The following EPB41L3 variants were observed in gnomAD, a reference collection of about 807,000 sequenced individuals.
EPB41L3 encodes band 4.1-like protein 3.
A neutral mutation model predicts 127.1 loss-of-function variants in EPB41L3; 57 were observed. That is an observed-to-expected ratio of 0.45 (90% CI 0.36 to 0.56). The LOEUF (loss-of-function observed/expected upper bound fraction) is 0.56, where lower values mean the gene tolerates loss of function less well. EPB41L3 is among the 20% of genes least tolerant of loss of function. EPB41L3 has a pLI of 0.00. For missense variants in EPB41L3, 1,273 were observed against 1,372.2 expected, an observed-to-expected ratio of 0.93 and a Z score of 1.14; for synonymous variants, 572 against 549.5, an observed-to-expected ratio of 1.04 and a Z score of -0.57.
chr18:5,407,526 G>A (rs2075599601), intron 15 of EPB41L3, among the ~76,000 whole-genome samples, 175 bp downstream of exon 15: 1 of 152,152 alleles, frequency 6.6e-6, no homozygotes, highest in African/African-American at 2.4e-5. Flanking sequence ...AGAAGAAAGG[G>A]AAAAGTAAAG....
chr18:5,421,669 T>A (rs1271661590), intron 11 of EPB41L3, among the ~76,000 whole-genome samples: 1 of 152,132 alleles, frequency 6.6e-6, no homozygotes, highest in African/African-American at 2.4e-5. Flanking sequence ...TATTTTGAAG[T>A]GACTTGGATG....
chr18:5,579,527 A>C (rs541206907), intron 3 of EPB41L3, among the ~76,000 whole-genome samples: 3 of 152,312 alleles, frequency 2.0e-5, no homozygotes, highest in South Asian at 2.1e-4. Context: ...AATCAACATA[A>C]ATCAGGCCCA....
chr18:5,477,302 G>A (rs1440665951), intron 3 of EPB41L3, among the ~76,000 whole-genome samples: 1 of 152,196 alleles, frequency 6.6e-6, no homozygotes, highest in Non-Finnish European at 1.5e-5. Flanking sequence ...TGCACTGCCT[G>A]TGCTGCCTGG....
rs1420278817 is a variant in EPB41L3 at position 5,397,386 on chromosome 18, T to C, written c.2513A>G (p.Glu838Gly). The C allele has an allele frequency of 6.2e-7, 1 of 1,613,746 alleles. No individual in the cohort carries two copies. Among genetic ancestry groups the C allele is most frequent in the Non-Finnish European group, 8.5e-7 (1 of 1,179,958 alleles). ...TKTESSGIET[E>G]PTVHHLPLST... ...AAGCGGCAGGTGGTGCACGGTGGGT[T>C]CCGTCTCTATTCCACTGGACTCCGT... is the stretch of plus-strand genomic sequence containing the variant. Residue 838 changes from glutamate to glycine, a missense_variant, in exon 18 of 23, where the codon GAA becomes GGA. By Grantham distance (98) the Glu-to-Gly change is moderately conservative. Coordinates refer to ENST00000341928, the MANE Select transcript of EPB41L3 (RefSeq NM_012307.5). This position sits in a 1 kb window ranked among gnomAD's most constrained non-coding sequence, Gnocchi z 4.1.
At chr18:5,553,110 AG>A in intron 3 of EPB41L3, among the ~76,000 whole-genome samples, 1 of 152,340 alleles carries the variant, frequency 6.6e-6, no homozygotes, top group Middle Eastern at 3.4e-3. Context: ...GAACAGAAAA[AG>A]TCTTCCAAAA....
chr18:5,555,863 T>A (rs1311206293), intron 3 of EPB41L3, among the ~76,000 whole-genome samples: 1 of 152,186 alleles, frequency 6.6e-6, no homozygotes, highest in Non-Finnish European at 1.5e-5. Flanking sequence ...GTTCCCTTCC[T>A]CCACTCCCGT....
At chr18:5,620,592 T>C (rs1296053688) in intron 1 of EPB41L3, among the ~76,000 whole-genome samples, 2 of 152,188 alleles carry the variant, frequency 1.3e-5, no homozygotes, top group Non-Finnish European at 1.5e-5. Context: ...TTTATAATAA[T>C]GTAGATGATG....
chr18:5,566,141 AG>A (rs2094195624), intron 3 of EPB41L3, among the ~76,000 whole-genome samples: 1 of 152,202 alleles, frequency 6.6e-6, no homozygotes, highest in South Asian at 2.1e-4. Flanking sequence ...AAGGAAATAA[AG>A]GGTATTCAAT....
intron 3 of EPB41L3, among the ~76,000 whole-genome samples, chr18:5,562,149 T>C (rs1264293848): frequency 2.6e-5 from 4 of 152,174 alleles, no homozygotes; most frequent in Admixed American, 2.0e-4. Flanking sequence ...ATTTTGTTAA[T>C]AGTGTGTTAC....
At chr18:5,486,692 G>A (rs530539945) in intron 2 of EPB41L3, among the ~76,000 whole-genome samples, 1 of 152,172 alleles carries the variant, frequency 6.6e-6, no homozygotes, top group East Asian at 1.9e-4. Context: ...CTCAAAAGAA[G>A]ACACACAAAT....
In EPB41L3 at chr18:5,428,479, G is replaced by C. The variant is rs2078534459; in HGVS notation, c.913-14C>G. ...CCCTTCTGAGTCCTGGAAAATAAAAGCAAGAAACAACAGATCAGTATCTAA... is the reference window on the plus strand; with the variant it reads ...CCCTTCTGAGTCCTGGAAAATAAAACCAAGAAACAACAGATCAGTATCTAA... On this transcript the variant is annotated splice_polypyrimidine_tract_variant and intron_variant, in intron 8 of 22. Transcript: ENST00000341928. The C allele has an allele frequency of 1.2e-6, 2 of 1,613,970 alleles. No homozygotes were observed. Among genetic ancestry groups the C allele is most frequent in the Admixed American group, 3.3e-5 (2 of 60,006 alleles).
intron 3 of EPB41L3, among the ~76,000 whole-genome samples, chr18:5,611,604 C>A (rs563241422): frequency 6.6e-6 from 1 of 152,026 alleles, no homozygotes; most frequent in Non-Finnish European, 1.5e-5. Context: ...ACATGCATAC[C>A]AAGAAAAGCT....
At chr18:5,494,252 C>T (rs1383654900) in intron 1 of EPB41L3, among the ~76,000 whole-genome samples, 1 of 152,168 alleles carries the variant, frequency 6.6e-6, no homozygotes, top group Admixed American at 6.5e-5. Flanking sequence ...CAGCAGGTGG[C>T]CTCCATCTGT....
In EPB41L3 at chr18:5,424,293, T is replaced by C. The variant is rs2145293640; in HGVS notation, c.1132A>G (p.Lys378Glu). Residue 378 changes from lysine to glutamate, a missense_variant, in exon 10 of 23, where the codon AAA becomes GAA. By Grantham distance (56) the Lys-to-Glu change is moderately conservative. Transcript: ENST00000341928. ...PNHRAAKRLWKVCVEHHTFFR... is the reference protein window; with the variant it reads ...PNHRAAKRLWEVCVEHHTFFR... ...AATGTATGATGCTCAACACATACTT[T>C]CCATAAACGCTTGGCAGCTCGATGG... The C allele has an allele frequency of 1.2e-6, 2 of 1,608,132 alleles. No individual in the cohort carries two copies. The highest frequency in any genetic ancestry group is 1.7e-6 in the Non-Finnish European group (2 of 1,177,408).
At chr18:5,396,825 T>C (rs1393252746) in intron 18 of EPB41L3, among the ~76,000 whole-genome samples, 2 of 152,194 alleles carry the variant, frequency 1.3e-5, no homozygotes, top group African/African-American at 4.8e-5. Flanking sequence ...TAGAAACCAT[T>C]TCCTGGTGCC....
intron 1 of EPB41L3, among the ~76,000 whole-genome samples, chr18:5,528,412 G>C (rs758065033): frequency 6.6e-6 from 1 of 152,138 alleles, no homozygotes; most frequent in African/African-American, 2.4e-5. Context: ...CTGAGCTCAA[G>C]TGATCCTCCT....
chr18:5,618,366 C>A (rs541844663), intron 1 of EPB41L3, among the ~76,000 whole-genome samples: 3 of 152,134 alleles, frequency 2.0e-5, no homozygotes, highest in Non-Finnish European at 4.4e-5. Context: ...AGTGCCAATA[C>A]CTCCCAAAAT....
intron 1 of EPB41L3, among the ~76,000 whole-genome samples, chr18:5,500,730 A>G (rs537231608): frequency 8.0e-4 from 122 of 152,346 alleles, no homozygotes; most frequent in African/African-American, 2.9e-3. Flanking sequence ...CATACAAATA[A>G]GCCCTAAACA....
chr18:5,414,516 C>T (rs1343848158), intron 13 of EPB41L3, among the ~76,000 whole-genome samples: 1 of 152,174 alleles, frequency 6.6e-6, no homozygotes, highest in Non-Finnish European at 1.5e-5. Flanking sequence ...ACAGGTGCAG[C>T]TCAAATTATG....
Sources: allele counts gnomAD v4.1 joint callset (sites outside exome capture counted in the v4.1 genomes callset), GRCh38; gene constraint gnomAD v4.1.1; non-coding constraint Gnocchi (gnomAD v3.1); transcripts MANE v1.5; gene names NCBI Gene and HGNC (gene_info 2026-07-23, HGNC 2026-07-21).